Variants in ALK observed in about 807,000 individuals in gnomAD.
ALK encodes the protein ALK receptor tyrosine kinase.
ALK carries 74 observed loss-of-function variants against 163.1 expected under a neutral mutation model. The ratio of observed to expected loss-of-function variants is 0.45; its 90% CI spans 0.38 to 0.55. The LOEUF is 0.55. Among genes scored for constraint, ALK ranks in the 20% least tolerant of loss-of-function variants. The pLI, the probability that ALK is intolerant of heterozygous loss-of-function variation, is 0.00. For synonymous variants in ALK, 960 were observed against 843.2 expected, an observed-to-expected ratio of 1.14 and a Z score of -2.40; for missense variants, 2,063 against 2,105.3, an observed-to-expected ratio of 0.98 and a Z score of 0.39.
intron 20 of ALK, 150 bp from the exon 21 acceptor site, chr2:29,222,757 C>G (rs934224568): frequency 1.5e-6 from 1 of 676,282 alleles, no homozygotes; most frequent in Non-Finnish European, 2.6e-6. Context: ...CTCAACATGG[C>G]TTTGCTATGC....
chr2:29,288,413 CCTA>C (rs1330102686), intron 9 of ALK, among the ~76,000 whole-genome samples: 5 of 152,300 alleles, frequency 3.3e-5, no homozygotes, highest in Non-Finnish European at 7.3e-5. Context: ...CTGGTGTGCT[CCTA>C]CAAGTCAGAG....
At chr2:29,319,750 C>A (rs1236298067) in intron 7 of ALK, among the ~76,000 whole-genome samples, 2 of 152,226 alleles carry the variant, frequency 1.3e-5, no homozygotes, top group African/African-American at 2.4e-5. Context: ...AAACTGGGAA[C>A]AGAGACATGA....
chr2:29,623,468 G>T (rs543623851), intron 3 of ALK, among the ~76,000 whole-genome samples: 1 of 54,382 alleles, frequency 1.8e-5, no homozygotes, highest in South Asian at 7.1e-4. Flanking sequence ...TAATGATTAT[G>T]TGAAATAAAA....
chr2:29,545,041 G>A (rs1673517880), intron 3 of ALK, among the ~76,000 whole-genome samples: 1 of 152,164 alleles, frequency 6.6e-6, no homozygotes, highest in South Asian at 2.1e-4. Flanking sequence ...AGGTGTTTCA[G>A]TCAGATGCCC....
At chr2:29,614,155 G>A (rs976491017) in intron 3 of ALK, among the ~76,000 whole-genome samples, 6 of 152,052 alleles carry the variant, frequency 3.9e-5, no homozygotes, top group African/African-American at 1.4e-4. Flanking sequence ...TGCTTCTCTC[G>A]GGTCCTCGGA....
At chr2:29,465,366 A>C (rs1039800082) in intron 4 of ALK, among the ~76,000 whole-genome samples, 9 of 152,190 alleles carry the variant, frequency 5.9e-5, no homozygotes, top group African/African-American at 2.2e-4. Context: ...ATAGTTTTTT[A>C]GACAAAATTC....
intron 4 of ALK, among the ~76,000 whole-genome samples, chr2:29,416,022 C>T (rs945417976): frequency 6.6e-6 from 1 of 152,226 alleles, no homozygotes; most frequent in Admixed American, 6.5e-5. Flanking sequence ...ACCCCGACTA[C>T]ATTAAACCAC....
At chr2:29,411,903 G>C (rs1222928411) in intron 4 of ALK, among the ~76,000 whole-genome samples, 2 of 152,160 alleles carry the variant, frequency 1.3e-5, no homozygotes, top group African/African-American at 4.8e-5. Context: ...TGAGCCTCTT[G>C]AGTGTCTTTG....
intron 1 of ALK, among the ~76,000 whole-genome samples, chr2:29,875,468 A>G (rs561677146): frequency 1.6e-4 from 24 of 152,190 alleles, no homozygotes; most frequent in Middle Eastern, 3.4e-3. Flanking sequence ...CTGAATGTGC[A>G]GGTTTGTTAT....
At chr2:29,612,919 A>G (rs1221557992) in intron 3 of ALK, among the ~76,000 whole-genome samples, 2 of 152,208 alleles carry the variant, frequency 1.3e-5, no homozygotes, top group African/African-American at 4.8e-5. Context: ...GAACAATTCC[A>G]GAACAGTTTG....
intron 1 of ALK, among the ~76,000 whole-genome samples, chr2:29,865,355 G>T (rs1666405817): frequency 6.6e-6 from 1 of 152,180 alleles, no homozygotes; most frequent in African/African-American, 2.4e-5. Context: ...AAGGAGCTGG[G>T]TCCCCAGAGC....
intron 4 of ALK, among the ~76,000 whole-genome samples, chr2:29,490,221 A>C (rs1318034850): frequency 6.6e-6 from 1 of 152,332 alleles, no homozygotes; most frequent in South Asian, 2.1e-4. Context: ...CTGAGGCCGC[A>C]AGCAGCCCAG....
chr2:29,394,318 G>GA (rs35815977), intron 4 of ALK, among the ~76,000 whole-genome samples: 91 of 137,134 alleles, frequency 6.6e-4, no homozygotes, highest in African/African-American at 1.5e-3. Context: ...ATCCAGACCA[G>GA]AAAAAAAAAA....
rs1668906660 is a variant in ALK, at chr2:29,192,914, C to G, written c.*310G>C. On this transcript the variant is annotated 3_prime_UTR_variant, in exon 29 of 29. Transcript: ENST00000389048. Reference sequence around the variant, plus strand: ...TAATTCTGACTACATTGAAGCAGAGCACACACAATTTGAAAGAAGCATAAG... The same window carrying G: ...TAATTCTGACTACATTGAAGCAGAGGACACACAATTTGAAAGAAGCATAAG... 8.9e-6 allele frequency: 4 copies of G among 449,318 alleles called. No homozygotes were observed. The highest frequency in any genetic ancestry group is 8.7e-5 in the South Asian group (4 of 45,832). The allele number at this position is 449,318 out of a possible 1,614,324, so 27.8% of individuals were successfully genotyped here.
At chr2:29,759,421 A>ATG (rs1006378406) in intron 1 of ALK, among the ~76,000 whole-genome samples, 2 of 152,090 alleles carry the variant, frequency 1.3e-5, no homozygotes, top group African/African-American at 4.8e-5. Flanking sequence ...ATGCAAGTGC[A>ATG]TGTGTGTGTG....
chr2:29,212,993 T>C (rs1208048182), intron 24 of ALK, among the ~76,000 whole-genome samples: 1 of 152,208 alleles, frequency 6.6e-6, no homozygotes, highest in Non-Finnish European at 1.5e-5. Flanking sequence ...GCATGATACT[T>C]TTCTATTTCT....
intron 27 of ALK, 145 bp downstream of exon 27, chr2:29,197,397 C>T (rs570746596): frequency 1.2e-4 from 149 of 1,207,172 alleles, no homozygotes; most frequent in Non-Finnish European, 1.6e-4. Context: ...TCACTGAAGT[C>T]GCAGTCACAT....
intron 4 of ALK, among the ~76,000 whole-genome samples, chr2:29,392,961 G>GAA: frequency 2.3e-5 from 1 of 43,312 alleles, no homozygotes; most frequent in African/African-American, 7.6e-5. Context: ...TAAGGTTACT[G>GAA]TGTTTAAGAT....
At chr2:29,489,531 C>T (rs1365791200) in intron 4 of ALK, among the ~76,000 whole-genome samples, 1 of 152,184 alleles carries the variant, frequency 6.6e-6, no homozygotes, top group Non-Finnish European at 1.5e-5. Context: ...AACTCCTGGG[C>T]TCAAGTGATT....
Sources: allele counts gnomAD v4.1 joint callset (sites outside exome capture counted in the v4.1 genomes callset), GRCh38; gene constraint gnomAD v4.1.1; transcripts MANE v1.5; gene names NCBI Gene and HGNC (gene_info 2026-07-23, HGNC 2026-07-21).